Variants in EML6 observed in about 807,000 individuals in gnomAD.
EML6 encodes the protein echinoderm microtubule-associated protein-like 6.
EML6 carries 154 observed loss-of-function variants against 240.1 expected under a neutral mutation model. The observed-to-expected ratio is 0.64, with a 90% confidence interval of 0.56 to 0.73. The LOEUF is 0.73. Among genes scored for constraint, EML6 ranks in the 30% least tolerant of loss-of-function variants. The probability of loss-of-function intolerance (pLI) is 0.00; values close to 1 mark genes in which losing one functional copy is unlikely to be tolerated. For missense variants in EML6, 2,964 were observed against 2,474.6 expected (o/e 1.20, Z -4.20); for synonymous variants, 1,148 against 899.0 (o/e 1.28, Z -4.95).
At chr2:54,786,295 C>G (rs1669085512) in intron 2 of EML6, among the ~76,000 whole-genome samples, 1 of 152,136 alleles carries the variant, frequency 6.6e-6, no homozygotes, top group Non-Finnish European at 1.5e-5. Flanking sequence ...CTACTCTTAT[C>G]TTAAACACCT....
chr2:54,958,063 G>C, intron 33 of EML6, 65 bp downstream of exon 33: 1 of 1,394,686 alleles, frequency 7.2e-7, no homozygotes, highest in Non-Finnish European at 9.7e-7. Flanking sequence ...CATGGGCATG[G>C]GCAGGAGGGG....
intron 13 of EML6, 67 bp from the exon 14 acceptor site, chr2:54,866,699 C>G (rs1670986844): frequency 1.2e-6 from 1 of 803,894 alleles, no homozygotes; most frequent in East Asian, 2.7e-5. Flanking sequence ...ACAAGAATGT[C>G]AAGATGCTGA....
intron 2 of EML6, among the ~76,000 whole-genome samples, chr2:54,786,686 C>T (rs1054286601): frequency 6.6e-6 from 1 of 152,208 alleles, no homozygotes; most frequent in Non-Finnish European, 1.5e-5. Context: ...CAGATTTCAA[C>T]AAAGAAATGG....
At position 54,809,076 on chromosome 2, in the gene EML6, T is replaced by C. The variant is rs985506237; in HGVS notation, c.198-4156T>C. On this transcript the variant is annotated intron_variant, in intron 2 of 41. Transcript: ENST00000356458. ...AAAGGAAAAACAGTCACACCAAAACTTTTTATGTAGGTGTGGAATGAGACT... is the reference window on the plus strand; with the variant it reads ...AAAGGAAAAACAGTCACACCAAAACCTTTTATGTAGGTGTGGAATGAGACT... Among the ~76,000 whole-genome samples, 3 of 152,168 alleles carry C rather than the reference T, an allele frequency of 2.0e-5. No homozygotes were observed. The South Asian group carries it at 6.2e-4, about 32-fold the overall frequency.
intron 2 of EML6, among the ~76,000 whole-genome samples, chr2:54,810,299 T>C (rs1432474738): frequency 2.0e-5 from 3 of 152,306 alleles, no homozygotes; most frequent in East Asian, 1.9e-4. Flanking sequence ...AGCATAAAAA[T>C]ACTTTAAATC....
rs1310997224 is a variant in EML6, at chr2:54,935,080, T to TC, written c.4004+6330dup. ...AGGAATATTATAACCTTTTGTAGGCTCAACAAATTTTCATTAATGGTTTGG... is the reference window on the plus strand; with the variant it reads ...AGGAATATTATAACCTTTTGTAGGCTCCAACAAATTTTCATTAATGGTTTGG... On this transcript the variant is annotated intron_variant, in intron 28 of 41. Transcript: ENST00000356458. 2.6e-5 allele frequency among the ~76,000 whole-genome samples: 4 copies of TC among 152,248 alleles called. No individual in the cohort carries two copies. The East Asian group carries it at 7.7e-4, about 29-fold the overall frequency.
chr2:54,827,593 A>T lies in EML6; in HGVS notation c.553A>T (p.Thr185Ser), dbSNP rs1668658146. ...TTGGACACTGTGTGGAAATGCCCTGACTGCAAAAAGAGGGATATTTGGCAA... is the reference window on the plus strand; with the variant it reads ...TTGGACACTGTGTGGAAATGCCCTGTCTGCAAAAAGAGGGATATTTGGCAA... ...KFWTLCGNAL[T>S]AKRGIFGKTG... The change falls in exon 6 of 42, where the codon ACT (threonine) becomes TCT (serine). Residue 185 changes from threonine to serine, a missense_variant. Coordinates refer to ENST00000356458, the MANE Select transcript of EML6 (RefSeq NM_001039753.4). 6.4e-7 allele frequency: 1 copy of T among 1,551,554 alleles called. No homozygotes were observed. The highest frequency in any genetic ancestry group is 2.4e-5 in the East Asian group (1 of 40,928).
At chr2:54,925,978 T>G (rs557062716) in intron 26 of EML6, among the ~76,000 whole-genome samples, 2 of 152,308 alleles carry the variant, frequency 1.3e-5, no homozygotes, top group Admixed American at 6.5e-5. Context: ...AGAGAAACTT[T>G]GCATGGAAAA....
intron 35 of EML6, among the ~76,000 whole-genome samples, chr2:54,961,184 G>GTTGGTTTTTTTTT: frequency 1.8e-5 from 1 of 55,424 alleles, no homozygotes; most frequent in Admixed American, 2.7e-4. Flanking sequence ...TCAGGAAGTA[G>GTTGGTTTTTTTTT]TTTTTTTTTT....
In EML6 at chr2:54,894,703, T is replaced by A. The variant is rs188446561; in HGVS notation, c.2743-212T>A. 7.7e-4 allele frequency among the ~76,000 whole-genome samples: 118 copies of A among 152,320 alleles called. 1 individual carries two copies. The highest frequency in any genetic ancestry group is 2.7e-3 in the African/African-American group (112 of 41,564). On this transcript the variant is annotated intron_variant, in intron 19 of 41. Transcript: ENST00000356458. ...TGAGGAGAGTGCAGTGGACACATGC[T>A]GAGAACGTGCTTAATCTTGCTTAGG...
chr2:54,850,062 G>A lies in EML6; in HGVS notation c.1288G>A (p.Gly430Ser), dbSNP rs374450368. ...GSYLAVGSND[G>S]PVDVYAVAQR... The stretch of plus-strand genomic sequence containing the variant: ...TTACCTTGCAGTGGGATCCAATGAT[G>A]GCCCAGTAGATGTCTATGCTGTTGC... The change falls in exon 10 of 42, where the codon GGC becomes AGC. Residue 430 changes from glycine (G) to serine (S), a missense_variant. Coordinates refer to ENST00000356458, the MANE Select transcript of EML6 (RefSeq NM_001039753.4). 4.8e-5 allele frequency: 75 copies of A among 1,551,942 alleles called. No individual in the cohort carries two copies. Among genetic ancestry groups the A allele is most frequent in the Non-Finnish European group, 6.1e-5 (70 of 1,147,056 alleles).
chr2:54,860,977 A>G (rs1263149277), intron 12 of EML6, among the ~76,000 whole-genome samples: 1 of 152,212 alleles, frequency 6.6e-6, no homozygotes, highest in Non-Finnish European at 1.5e-5. Context: ...AAATGGGTTT[A>G]CAAACACTTA....
In EML6 at chr2:54,912,515, G is replaced by A. The variant is rs145389330; in HGVS notation, c.3498+1473G>A. Among the ~76,000 whole-genome samples the A allele has an allele frequency of 2.7e-4, 41 of 152,252 alleles. No individual in the cohort carries two copies. The East Asian group carries it at 6.6e-3, about 24-fold the overall frequency. On this transcript the variant is annotated intron_variant, in intron 25 of 41. Transcript: ENST00000356458. ...GCATACAAATTATTGCATCACCCAGGTAGAGAGCACAGTACCTAGTAGATA... is the reference window on the plus strand; with the variant it reads ...GCATACAAATTATTGCATCACCCAGATAGAGAGCACAGTACCTAGTAGATA...
chr2:54,892,745 C>G (rs1034449718), intron 19 of EML6, 89 bp downstream of exon 19: 5 of 928,336 alleles, frequency 5.4e-6, no homozygotes, highest in South Asian at 1.7e-5. Flanking sequence ...ATGCCTGTAT[C>G]TAAAACAGGC....
At chr2:54,899,820 A>T (rs1206182236) in intron 22 of EML6, 38 bp downstream of exon 22, 4 of 1,524,642 alleles carry the variant, frequency 2.6e-6, no homozygotes, top group Non-Finnish European at 3.5e-6. Flanking sequence ...CAGAGTATTT[A>T]CAAGTAACAG....
chr2:54,785,311 G>A (rs1364404317), intron 2 of EML6, among the ~76,000 whole-genome samples: 1 of 151,870 alleles, frequency 6.6e-6, no homozygotes, highest in Non-Finnish European at 1.5e-5. Flanking sequence ...GAGCAGCTGG[G>A]ATTACAGGTG....
At position 54,964,031 on chromosome 2, in the gene EML6, G is replaced by A; in HGVS notation, c.5203G>A (p.Ala1735Thr). Residue 1735 changes from alanine to threonine, a missense_variant, in exon 37 of 42, where the codon GCC (alanine) becomes ACC (threonine). Physicochemically the swap from Ala to Thr is moderately conservative, Grantham distance 58. Transcript: ENST00000356458. ...CTTGGGCCATGCGGCCAGGTGTGCAGCCTACAGCCCTGATGGGGAGATGGT... is the reference window on the plus strand; with the variant it reads ...CTTGGGCCATGCGGCCAGGTGTGCAACCTACAGCCCTGATGGGGAGATGGT... ...VSLGHAARCA[A>T]YSPDGEMVAI... 6.4e-7 allele frequency: 1 copy of A among 1,551,718 alleles called. No homozygotes were observed. Among genetic ancestry groups the A allele is most frequent in the Non-Finnish European group, 8.7e-7 (1 of 1,146,970 alleles).
intron 21 of EML6, among the ~76,000 whole-genome samples, chr2:54,896,646 G>C (rs1419237060): frequency 6.6e-6 from 1 of 152,146 alleles, no homozygotes; most frequent in African/African-American, 2.4e-5. Context: ...TGAGCAGTCA[G>C]AACTTCCAAG....
chr2:54,889,221 G>T (rs1189096211), intron 17 of EML6, among the ~76,000 whole-genome samples: 1 of 151,980 alleles, frequency 6.6e-6, no homozygotes, highest in Non-Finnish European at 1.5e-5. Flanking sequence ...TTAATACCTA[G>T]GAGAGCTACT....
Sources: allele counts gnomAD v4.1 joint callset (sites outside exome capture counted in the v4.1 genomes callset), GRCh38; gene constraint gnomAD v4.1.1; transcripts MANE v1.5; gene names NCBI Gene and HGNC (gene_info 2026-07-23, HGNC 2026-07-21).